Variants in KIDINS220 observed in about 807,000 individuals in gnomAD.
KIDINS220 encodes the protein kinase D-interacting substrate of 220 kDa.
Under a neutral mutation model 157.6 loss-of-function variants are expected in KIDINS220, and 63 were observed. The ratio of observed to expected loss-of-function variants is 0.40; its 90% CI spans 0.33 to 0.49. The LOEUF is 0.49. Among genes scored for constraint, KIDINS220 ranks in the 20% least tolerant of loss-of-function variants. The probability of loss-of-function intolerance (pLI) is 0.66; values close to 1 mark genes in which losing one functional copy is unlikely to be tolerated. For synonymous variants in KIDINS220, 732 were observed against 783.6 expected, an observed-to-expected ratio of 0.93 and a Z score of 1.10; for missense variants, 1,772 against 2,171.2, an observed-to-expected ratio of 0.82 and a Z score of 3.65.
At chr2:8,834,613 A>G (rs1680132153) in intron 1 of KIDINS220, among the ~76,000 whole-genome samples, 1 of 151,942 alleles carries the variant, frequency 6.6e-6, no homozygotes, top group African/African-American at 2.4e-5. Context: ...AATAAAGACT[A>G]TCTGTTTTGT....
chr2:8,748,258 T>G (rs1666853005), intron 24 of KIDINS220, among the ~76,000 whole-genome samples: 1 of 152,242 alleles, frequency 6.6e-6, no homozygotes, highest in African/African-American at 2.4e-5. Context: ...CTTTACAGTT[T>G]GACACGAGTT....
Position 8,825,322 on chromosome 2 carries a change from G to A in KIDINS220, c.108+1664C>T, listed in dbSNP as rs551389176. 2.2e-5 allele frequency among the ~76,000 whole-genome samples: 3 copies of A among 134,050 alleles called. No homozygotes were observed. In the East Asian group the frequency reaches 6.6e-4, roughly 29 times the overall value. The allele number at this position is 134,050 out of a possible 152,430, so 87.9% of individuals were successfully genotyped here. A position where few individuals can be genotyped will look rare whatever the true frequency, so the allele number is the denominator to read the frequency against. ...CAGGGGGCGGAGGTTGCAGTGAGCC[G>A]AGATCACACCACTTCACACCAACCT... is the stretch of plus-strand genomic sequence containing the variant. On this transcript the variant is annotated intron_variant, in intron 2 of 29. Transcript: ENST00000256707.
intron 22 of KIDINS220, among the ~76,000 whole-genome samples, chr2:8,759,230 T>G (rs1283747297): frequency 6.6e-6 from 1 of 152,202 alleles, no homozygotes; most frequent in African/African-American, 2.4e-5. Context: ...GTATCTAATG[T>G]GTTTGACTTA....
chr2:8,750,742 G>A (rs996852865), intron 23 of KIDINS220, among the ~76,000 whole-genome samples: 1 of 152,178 alleles, frequency 6.6e-6, no homozygotes, highest in African/African-American at 2.4e-5. Context: ...CAAATTATGA[G>A]ACTCATCCAC....
chr2:8,818,352 T>C (rs1230069133), intron 3 of KIDINS220, among the ~76,000 whole-genome samples: 2 of 152,136 alleles, frequency 1.3e-5, no homozygotes, highest in African/African-American at 4.8e-5. Flanking sequence ...TCCTGGCCAT[T>C]ATCGCATGTA....
chr2:8,776,094 G>T (rs546996135), intron 21 of KIDINS220, among the ~76,000 whole-genome samples: 2 of 152,240 alleles, frequency 1.3e-5, no homozygotes, highest in African/African-American at 2.4e-5. Context: ...CAAAAATATT[G>T]TAAGTATATT....
chr2:8,752,394 C>T (rs533792186), intron 22 of KIDINS220, among the ~76,000 whole-genome samples: 7 of 152,144 alleles, frequency 4.6e-5, no homozygotes, highest in South Asian at 2.1e-4. Flanking sequence ...ACAATGAGTA[C>T]GGCCAGAATT....
rs140238093 is a variant in KIDINS220 at position 8,730,205 on chromosome 2, C to T, written c.*515G>A. The T allele has an allele frequency of 3.5e-4, 341 of 987,242 alleles. No homozygotes were observed. In the Middle Eastern group the frequency reaches 6.8e-3, roughly 20 times the overall value. The allele number at this position is 987,242 out of a possible 1,614,324, so 61.2% of individuals were successfully genotyped here. On this transcript the variant is annotated 3_prime_UTR_variant, in exon 30 of 30. Coordinates refer to ENST00000256707, the MANE Select transcript of KIDINS220 (RefSeq NM_020738.4). ...ACCTCTGTGATAAGCAATACCCCTG[C>T]CATACAGAACGCTGGATCTCGGTTT...
At chr2:8,747,047 CAG>C (rs1666680453) in intron 26 of KIDINS220, 96 bp downstream of exon 26, 1 of 1,055,462 alleles carries the variant, frequency 9.5e-7, no homozygotes, top group Admixed American at 1.7e-5. Context: ...ACCACAAACG[CAG>C]AGTTAGTGAG....
chr2:8,823,747 A>G (rs964871166), intron 2 of KIDINS220, among the ~76,000 whole-genome samples: 2 of 152,180 alleles, frequency 1.3e-5, no homozygotes, highest in African/African-American at 4.8e-5. Flanking sequence ...AAACTATCAT[A>G]TGGTTATTCC....
In KIDINS220 at chr2:8,791,107, T is replaced by C; in HGVS notation, c.1394A>G (p.Tyr465Cys). 6.2e-7 allele frequency: 1 copy of C among 1,614,116 alleles called. No individual in the cohort carries two copies. The highest frequency in any genetic ancestry group is 8.5e-7 in the Non-Finnish European group (1 of 1,179,968). The change falls in exon 13 of 30, where the codon TAT becomes TGT. Residue 465 changes from tyrosine (Y) to cysteine (C), a missense_variant. By Grantham distance (194) the Tyr-to-Cys change is radical (BLOSUM62 -2). Transcript: ENST00000256707. ...AGATTTCCCACTTCCCCACTGTGCA[T>C]ATAACCCCACACAAATGGGTGGCTG... Reference protein sequence around the residue: ...TMQPPICVGLYAQWGSGKSFL... With the variant: ...TMQPPICVGLCAQWGSGKSFL...
intron 9 of KIDINS220, among the ~76,000 whole-genome samples, chr2:8,799,932 A>G (rs1171071638): frequency 1.3e-5 from 2 of 152,234 alleles, no homozygotes; most frequent in Non-Finnish European, 2.9e-5. Flanking sequence ...AGCAATGTCC[A>G]TAGGCACTAC....
At position 8,730,017 on chromosome 2, in the gene KIDINS220, G is replaced by A. The variant is rs1249059287; in HGVS notation, c.*703C>T. The A allele has an allele frequency of 1.0e-6, 1 of 985,300 alleles. No individual in the cohort carries two copies. The highest frequency in any genetic ancestry group is 1.1e-4 in the East Asian group (1 of 8,816). 61.0% of individuals were successfully genotyped at this position (985,300 alleles called of 1,614,324 possible). ...CTGGAAGCCAGGCCTGGGATTTGGA[G>A]AGAAGAGTTTCCGACATATAAACCC... On this transcript the variant is annotated 3_prime_UTR_variant, in exon 30 of 30. Transcript: ENST00000256707.
At chr2:8,742,841 G>A (rs1252990402) in intron 26 of KIDINS220, among the ~76,000 whole-genome samples, 2 of 152,146 alleles carry the variant, frequency 1.3e-5, no homozygotes, top group East Asian at 1.9e-4. Context: ...CACAAGCATC[G>A]GTGGTACTCA....
intron 12 of KIDINS220, among the ~76,000 whole-genome samples, chr2:8,793,039 T>C (rs753051320): frequency 1.8e-4 from 28 of 152,204 alleles, no homozygotes; most frequent in Non-Finnish European, 3.1e-4. Context: ...TGTAACATTT[T>C]TATAAGCATA....
chr2:8,778,954 T>G lies in KIDINS220; in HGVS notation c.2556A>C (p.Ala852=). The G allele has an allele frequency of 1.2e-6, 2 of 1,614,222 alleles. No individual in the cohort carries two copies. The highest frequency in any genetic ancestry group is 1.1e-5 in the South Asian group (1 of 91,088). The change falls in exon 19 of 30, where the codon GCA becomes GCC. Residue 852 remains alanine (A), a synonymous_variant. Coordinates refer to ENST00000256707, the MANE Select transcript of KIDINS220 (RefSeq NM_020738.4). ...TTGCTGAAGTTACGAGAAATTTTCT[T>G]GCATTGCTTAGTCCACGACTATTAA... The part of the protein sequence containing the change: ...VFLNSRGLSN[A]RKFLVTSATN...
At chr2:8,778,052 G>T (rs1034718640) in intron 20 of KIDINS220, among the ~76,000 whole-genome samples, 1 of 152,138 alleles carries the variant, frequency 6.6e-6, no homozygotes, top group Non-Finnish European at 1.5e-5. Context: ...TGTCACAACT[G>T]CCCTGCAAGT....
chr2:8,750,030 A>C, intron 24 of KIDINS220, 82 bp downstream of exon 24: 1 of 1,241,056 alleles, frequency 8.1e-7, no homozygotes, highest in Non-Finnish European at 1.1e-6. Context: ...CAGCTTTAAA[A>C]CCAAAACAGA....
At chr2:8,800,744 A>G (rs995902578) in intron 8 of KIDINS220, among the ~76,000 whole-genome samples, 2 of 152,240 alleles carry the variant, frequency 1.3e-5, no homozygotes, top group Non-Finnish European at 2.9e-5. Context: ...CAAAGTTTAG[A>G]AAGACCAGTT....
Sources: allele counts gnomAD v4.1 joint callset (sites outside exome capture counted in the v4.1 genomes callset), GRCh38; gene constraint gnomAD v4.1.1; transcripts MANE v1.5; gene names NCBI Gene and HGNC (gene_info 2026-07-23, HGNC 2026-07-21).